Variants in MCUB observed in about 807,000 individuals in gnomAD.
MCUB encodes the protein calcium uniporter regulatory subunit MCUb, mitochondrial.
A neutral mutation model predicts 41.4 loss-of-function variants in MCUB; 46 were observed. The ratio of observed to expected loss-of-function variants is 1.11; its 90% CI spans 0.88 to 1.42. MCUB has a LOEUF of 1.42. Ranked by LOEUF, MCUB falls within the 40% of genes most tolerant of loss-of-function variation. The pLI, the probability that MCUB is intolerant of heterozygous loss-of-function variation, is 0.00. For missense variants in MCUB, 403 were observed against 404.9 expected, an observed-to-expected ratio of 1.00 and a Z score of 0.04; for synonymous variants, 148 against 148.2, an observed-to-expected ratio of 1.00 and a Z score of 0.01.
At chr4:109,582,562 A>C (rs1304487187) in intron 1 of MCUB, among the ~76,000 whole-genome samples, 12 of 1,188 alleles carry the variant, frequency 0.01, no homozygotes, top group South Asian at 0.077. Flanking sequence ...CAGTTTAACA[A>C]AAAAAAAAAA....
intron 1 of MCUB, among the ~76,000 whole-genome samples, chr4:109,615,491 C>T (rs1009931276): frequency 2.0e-5 from 3 of 151,644 alleles, no homozygotes; most frequent in Admixed American, 6.6e-5. Flanking sequence ...CTGCAACCTC[C>T]GTCTGCCGGG....
intron 1 of MCUB, among the ~76,000 whole-genome samples, chr4:109,657,550 CTACTG>C (rs1269772028): frequency 6.6e-6 from 1 of 151,990 alleles, no homozygotes; most frequent in African/African-American, 2.4e-5. Flanking sequence ...TGTTAATAAA[CTACTG>C]TAAGGTGATG....
At chr4:109,685,395 G>C (rs963958809) in intron 7 of MCUB, 28 bp downstream of exon 7, 3 of 966,914 alleles carry the variant, frequency 3.1e-6, no homozygotes, top group East Asian at 4.8e-5. Context: ...CTTATAGCTG[G>C]TTTGTTTGGG....
intron 1 of MCUB, among the ~76,000 whole-genome samples, chr4:109,604,580 A>G (rs1381089540): frequency 6.6e-6 from 1 of 152,142 alleles, no homozygotes; most frequent in Non-Finnish European, 1.5e-5. Flanking sequence ...GAAAGTGGGC[A>G]TCCTTGTCGT....
intron 1 of MCUB, among the ~76,000 whole-genome samples, chr4:109,593,527 T>C (rs572536547): frequency 1.3e-5 from 2 of 152,332 alleles, no homozygotes; most frequent in South Asian, 4.1e-4. Flanking sequence ...TCCATTCCTT[T>C]CTGTATCTGC....
intron 1 of MCUB, among the ~76,000 whole-genome samples, chr4:109,636,132 C>T (rs1283697244): frequency 6.6e-6 from 1 of 152,060 alleles, no homozygotes; most frequent in African/African-American, 2.4e-5. Flanking sequence ...GGTATCTGGT[C>T]AATTACAATG....
chr4:109,598,660 C>G (rs1311740325), intron 1 of MCUB, among the ~76,000 whole-genome samples: 1 of 151,956 alleles, frequency 6.6e-6, no homozygotes, highest in Admixed American at 6.6e-5. Context: ...TCAAAGCTTC[C>G]CAAATTCTCT....
intron 1 of MCUB, among the ~76,000 whole-genome samples, chr4:109,638,852 T>C (rs1728653319): frequency 6.6e-6 from 1 of 152,206 alleles, no homozygotes; most frequent in Admixed American, 6.5e-5. Context: ...TGCTCAGCCA[T>C]ATGAAGCAAC....
At chr4:109,624,027 A>T (rs1728310355) in intron 1 of MCUB, among the ~76,000 whole-genome samples, 2 of 152,098 alleles carry the variant, frequency 1.3e-5, no homozygotes, top group East Asian at 3.9e-4. Flanking sequence ...TTTTTAAAAA[A>T]TTTTTTGTAG....
chr4:109,668,451 T>C (rs1729391164), intron 4 of MCUB, among the ~76,000 whole-genome samples: 1 of 152,086 alleles, frequency 6.6e-6, no homozygotes, highest in South Asian at 2.1e-4. Flanking sequence ...TTAATATAGC[T>C]ATTTCAGCTT....
chr4:109,619,030 GCCTACCTACCTACCTACCTACCTACCTA>G (rs762220634), intron 1 of MCUB, among the ~76,000 whole-genome samples: 1 of 118,706 alleles, frequency 8.4e-6, no homozygotes, highest in Non-Finnish European at 1.9e-5. Flanking sequence ...CTACCTGCCT[GCCTACCTACCTACCTACCTACCTACCTA>G]CCTACCTACC....
At position 109,560,500 on chromosome 4, in the gene MCUB, C is replaced by CT. The variant is rs939899870; in HGVS notation, c.99+67dup. 6 of 782,914 alleles carry CT rather than the reference C, an allele frequency of 7.7e-6. No homozygotes were observed. The Admixed American group carries it at 1.3e-4, about 17-fold the overall frequency. The allele number at this position is 782,914 out of a possible 1,614,324, so 48.5% of individuals were successfully genotyped here. On this transcript the variant is annotated intron_variant, in intron 1 of 7. Transcript: ENST00000394650. ...CTGGTGCAAAGTTTGCGTTGGACAA[C>CT]TTTGGCGGGAGCAAAAGCCGAGCGG...
At chr4:109,577,314 C>A (rs953571079) in intron 1 of MCUB, among the ~76,000 whole-genome samples, 1 of 152,130 alleles carries the variant, frequency 6.6e-6, no homozygotes, top group Non-Finnish European at 1.5e-5. Flanking sequence ...GTTTTTAATA[C>A]CAGCAGCTTT....
intron 1 of MCUB, among the ~76,000 whole-genome samples, chr4:109,597,612 T>G (rs1471181973): frequency 3.6e-5 from 3 of 83,632 alleles, no homozygotes; most frequent in Admixed American, 2.6e-4. Context: ...ACCTCCCGGA[T>G]GGGGCAGCTG....
Position 109,685,298 on chromosome 4 carries a change from C to T in MCUB, c.864C>T (p.Phe288=). ...AVKSRQFLQF[F]HKKSKQQHFD... Reference sequence around the variant, plus strand: ...AGAGTAGGCAATTTCTTCAGTTCTTCCACAAGAAATCAAAGCAACAGCACT... The same window carrying T: ...AGAGTAGGCAATTTCTTCAGTTCTTTCACAAGAAATCAAAGCAACAGCACT... The change falls in exon 7 of 8, where the codon TTC becomes TTT. Residue 288 remains phenylalanine, a synonymous_variant. Transcript: ENST00000394650. 1 of 1,588,758 alleles carries T rather than the reference C, an allele frequency of 6.3e-7. No homozygotes were observed. Among genetic ancestry groups the T allele is most frequent in the Non-Finnish European group, 8.6e-7 (1 of 1,157,986 alleles).
chr4:109,683,443 G>GT (rs1729763019), intron 5 of MCUB, among the ~76,000 whole-genome samples: 1 of 152,014 alleles, frequency 6.6e-6, no homozygotes, highest in Non-Finnish European at 1.5e-5. Flanking sequence ...TACCATTTTA[G>GT]TTTTTTCTTT....
chr4:109,656,793 AG>A (rs1463593411), intron 1 of MCUB, among the ~76,000 whole-genome samples: 1 of 152,242 alleles, frequency 6.6e-6, no homozygotes, highest in Non-Finnish European at 1.5e-5. Context: ...TGCTAAAAGT[AG>A]TAGACGGTAT....
intron 1 of MCUB, among the ~76,000 whole-genome samples, chr4:109,562,712 G>A (rs914188615): frequency 2.6e-5 from 4 of 152,156 alleles, no homozygotes; most frequent in Non-Finnish European, 4.4e-5. Flanking sequence ...AGGACTTGTC[G>A]TAAGCAGTAT....
At chr4:109,653,427 T>C (rs895440673) in intron 1 of MCUB, among the ~76,000 whole-genome samples, 2 of 152,178 alleles carry the variant, frequency 1.3e-5, no homozygotes, top group African/African-American at 2.4e-5. Context: ...CAGAATAGTT[T>C]TACCATTTAC....
Sources: gnomAD v4.1 joint callset for allele counts (sites outside exome capture counted in the v4.1 genomes callset) on GRCh38, gnomAD v4.1.1 for gene constraint, MANE v1.5 for transcripts, NCBI Gene and HGNC (gene_info 2026-07-23, HGNC 2026-07-21) for gene names.